The following SFT2D1 variants were observed in gnomAD, a reference collection of about 807,000 sequenced individuals.
SFT2D1 encodes the protein vesicle transport protein SFT2A.
Under a neutral mutation model 28.1 loss-of-function variants are expected in SFT2D1, and 24 were observed. That is an observed-to-expected ratio of 0.85 (90% CI 0.62 to 1.20). The LOEUF (loss-of-function observed/expected upper bound fraction) is 1.20. Among genes scored for constraint, SFT2D1 ranks in the 50% most tolerant of loss-of-function variants. The probability of loss-of-function intolerance (pLI) is 0.00; values close to 1 mark genes in which losing one functional copy is unlikely to be tolerated. For synonymous variants in SFT2D1, 82 were observed against 73.7 expected (o/e 1.11, Z -0.58); for missense variants, 181 against 190.9 (o/e 0.95, Z 0.31).
chr6:166,340,185 A>G (rs1368833649), intron 1 of SFT2D1, among the ~76,000 whole-genome samples: 1 of 152,006 alleles, frequency 6.6e-6, no homozygotes, highest in Non-Finnish European at 1.5e-5. Context: ...TGCTCTTTAA[A>G]CCACTTCTAT....
At chr6:166,322,743 C>T in intron 7 of SFT2D1, 114 bp downstream of exon 7, 7 of 494,070 alleles carry the variant, frequency 1.4e-5, no homozygotes, top group South Asian at 8.2e-5. Flanking sequence ...AAATTAAAAT[C>T]AACCAAAAAA....
In SFT2D1 at chr6:166,320,122, G is replaced by T; in HGVS notation, c.*95C>A. On this transcript the variant is annotated 3_prime_UTR_variant, in exon 8 of 8. Transcript: ENST00000361731. ...GTACAAAACGGTCTTCAACTGTCAC[G>T]TCAGTTGTTCCTGGAGTGTTTTATG... 2 of 1,156,290 alleles carry T rather than the reference G, an allele frequency of 1.7e-6. No individual in the cohort carries two copies. The highest frequency in any genetic ancestry group is 2.6e-6 in the Non-Finnish European group (2 of 783,640). The allele number at this position is 1,156,290 out of a possible 1,614,324, so 71.6% of individuals were successfully genotyped here.
intron 1 of SFT2D1, among the ~76,000 whole-genome samples, chr6:166,330,461 G>A (rs1181940496): frequency 6.6e-6 from 1 of 152,176 alleles, no homozygotes; most frequent in Non-Finnish European, 1.5e-5. Context: ...CATTAATTTT[G>A]CAAAGTCTGA....
At chr6:166,332,766 C>G (rs1431118423) in intron 1 of SFT2D1, among the ~76,000 whole-genome samples, 1 of 152,238 alleles carries the variant, frequency 6.6e-6, no homozygotes, top group Non-Finnish European at 1.5e-5. Flanking sequence ...TGAGGAGGGG[C>G]TGCTCCCCTA....
chr6:166,333,694 G>A (rs1033944050), intron 1 of SFT2D1, among the ~76,000 whole-genome samples: 1 of 152,198 alleles, frequency 6.6e-6, no homozygotes, highest in Non-Finnish European at 1.5e-5. Flanking sequence ...GGGGGGTCCT[G>A]AGCCAGTCCT....
intron 1 of SFT2D1, among the ~76,000 whole-genome samples, chr6:166,340,760 G>A (rs1778763042): frequency 6.6e-6 from 1 of 152,184 alleles, no homozygotes; most frequent in Non-Finnish European, 1.5e-5. Context: ...TAAGTTCCAT[G>A]TGAAAGAGGT....
chr6:166,326,190 T>C lies in SFT2D1; in HGVS notation c.316-23A>G, dbSNP rs111850981. On this transcript the variant is annotated intron_variant, in intron 4 of 7. Transcript: ENST00000361731. ...CAACTACAGGGGAAGAAAGAGTAGA[T>C]TATAAGTTTGAGATCCTTTCAAAAG... The C allele has an allele frequency of 4.2e-5, 67 of 1,606,720 alleles. 1 individual carries two copies. In the African/African-American group the frequency reaches 7.6e-4, roughly 18 times the overall value.
chr6:166,325,524 T>C (rs1583034959), intron 5 of SFT2D1, among the ~76,000 whole-genome samples: 1 of 152,216 alleles, frequency 6.6e-6, no homozygotes, highest in Admixed American at 6.5e-5. Context: ...ATGATTTCAG[T>C]TCCTCTCTTT....
At chr6:166,322,708 AAAAG>A in intron 7 of SFT2D1, 145 bp downstream of exon 7, 1 of 686,520 alleles carries the variant, frequency 1.5e-6, no homozygotes, top group Non-Finnish European at 2.4e-6. Flanking sequence ...AAAAAAAAAA[AAAAG>A]TATGTTTATT....
chr6:166,340,680 C>T (rs948860499), intron 1 of SFT2D1, among the ~76,000 whole-genome samples: 2 of 151,974 alleles, frequency 1.3e-5, no homozygotes, highest in Non-Finnish European at 2.9e-5. Context: ...CCTCAACCTG[C>T]TCTGACTTTT....
At chr6:166,339,785 G>A (rs564157981) in intron 1 of SFT2D1, among the ~76,000 whole-genome samples, 2 of 152,148 alleles carry the variant, frequency 1.3e-5, no homozygotes, top group South Asian at 2.1e-4. Flanking sequence ...TGTCTTTGCC[G>A]GCTTCTGCTC....
intron 1 of SFT2D1, among the ~76,000 whole-genome samples, chr6:166,334,390 A>G (rs1252203769): frequency 6.6e-6 from 1 of 152,242 alleles, no homozygotes; most frequent in Non-Finnish European, 1.5e-5. Context: ...AACCCAGTTC[A>G]AGACCTGCCT....
At chr6:166,333,140 T>G (rs1778581347) in intron 1 of SFT2D1, among the ~76,000 whole-genome samples, 1 of 152,222 alleles carries the variant, frequency 6.6e-6, no homozygotes, top group South Asian at 2.1e-4. Context: ...GTCAAAGTTG[T>G]GCAGACAAGT....
chr6:166,326,041 T>C (rs1778438309), intron 5 of SFT2D1, 91 bp downstream of exon 5: 2 of 1,205,800 alleles, frequency 1.7e-6, no homozygotes, highest in South Asian at 1.3e-5. Context: ...AAAAAACAGA[T>C]GAGCTATTTT....
chr6:166,320,346 C>A, intron 7 of SFT2D1, 90 bp from the exon 8 acceptor site: 1 of 1,059,056 alleles, frequency 9.4e-7, no homozygotes, highest in South Asian at 1.4e-5. Flanking sequence ...CCTTTTTTAA[C>A]AGAACTCAAT....
At chr6:166,327,178 T>G (rs2114896732) in intron 4 of SFT2D1, among the ~76,000 whole-genome samples, 1 of 152,314 alleles carries the variant, frequency 6.6e-6, no homozygotes, top group Non-Finnish European at 1.5e-5. Context: ...AAAGCTAATG[T>G]TAATAGTTAT....
At chr6:166,332,826 T>C (rs940619426) in intron 1 of SFT2D1, among the ~76,000 whole-genome samples, 4 of 152,212 alleles carry the variant, frequency 2.6e-5, no homozygotes, top group African/African-American at 9.7e-5. Context: ...CTTCATTCAT[T>C]AATTTTTTAC....
At chr6:166,329,411 T>C in intron 3 of SFT2D1, 96 bp downstream of exon 3, 4 of 994,428 alleles carry the variant, frequency 4.0e-6, no homozygotes, top group Non-Finnish European at 6.2e-6. Flanking sequence ...TCACAGTATG[T>C]ACAGAACTAC....
At chr6:166,325,916 T>A in intron 5 of SFT2D1, 1 of 599,306 alleles carries the variant, frequency 1.7e-6, no homozygotes, top group East Asian at 2.8e-5. Flanking sequence ...TGTGTGCACA[T>A]GTGTGTTCAC....
Sources: gnomAD v4.1 joint callset for allele counts (sites outside exome capture counted in the v4.1 genomes callset) on GRCh38, gnomAD v4.1.1 for gene constraint, MANE v1.5 for transcripts, NCBI Gene and HGNC (gene_info 2026-07-23, HGNC 2026-07-21) for gene names.